The following FRS2 variants were observed in gnomAD, a reference collection of about 807,000 sequenced individuals.
FRS2 encodes the protein fibroblast growth factor receptor substrate 2.
Under a neutral mutation model 43.9 loss-of-function variants are expected in FRS2, and 8 were observed. The ratio of observed to expected loss-of-function variants is 0.18; its 90% CI spans 0.11 to 0.33. The LOEUF is 0.33. Ranked by LOEUF, FRS2 falls within the 10% of genes least tolerant of loss-of-function variation. FRS2 has a pLI of 1.00. For synonymous variants in FRS2, 219 were observed against 220.3 expected, an observed-to-expected ratio of 0.99 and a Z score of 0.05; for missense variants, 534 against 627.6, an observed-to-expected ratio of 0.85 and a Z score of 1.59.
At position 69,515,410 on chromosome 12, in the gene FRS2, C is replaced by A. The variant is rs539463005; in HGVS notation, c.-260-15455C>A. ...TCACTTTGTGACTATTTTTATAATTCACTTTGCCTCAGACTACAACCTGAT... is the reference window on the plus strand; with the variant it reads ...TCACTTTGTGACTATTTTTATAATTAACTTTGCCTCAGACTACAACCTGAT... On this transcript the variant is annotated intron_variant, in intron 1 of 8. Coordinates refer to ENST00000549921, the MANE Select transcript of FRS2 (RefSeq NM_001278356.2). Among the ~76,000 whole-genome samples, 6 of 152,216 alleles carry A rather than the reference C, an allele frequency of 3.9e-5. No individual in the cohort carries two copies. In the East Asian group the frequency reaches 5.8e-4, roughly 15 times the overall value.
chr12:69,559,640 C>G (rs963721205), intron 3 of FRS2, among the ~76,000 whole-genome samples: 5 of 152,156 alleles, frequency 3.3e-5, no homozygotes, highest in African/African-American at 1.2e-4. Flanking sequence ...TTTAAGGCAA[C>G]TAGCAGACTG....
chr12:69,498,944 T>G (rs78834468), intron 1 of FRS2, among the ~76,000 whole-genome samples: 2,269 of 152,302 alleles, frequency 0.015, 62 homozygotes, highest in African/African-American at 0.051. Context: ...AACAACTTTA[T>G]GAGGTATTAT....
At chr12:69,473,649 GAGAAGTTACCA>G (rs1448907317) in intron 1 of FRS2, among the ~76,000 whole-genome samples, 1 of 152,208 alleles carries the variant, frequency 6.6e-6, no homozygotes, top group Non-Finnish European at 1.5e-5. Flanking sequence ...GGGAGGTAAT[GAGAAGTTACCA>G]AGGTCTAATA....
chr12:69,522,297 C>A (rs1875755475), intron 1 of FRS2, among the ~76,000 whole-genome samples: 1 of 150,888 alleles, frequency 6.6e-6, no homozygotes, highest in South Asian at 2.1e-4. Context: ...AAGGAGGAGT[C>A]CCTCCTCCTC....
At position 69,502,897 on chromosome 12, in the gene FRS2, A is replaced by C. The variant is rs368329753; in HGVS notation, c.-260-27968A>C. ...CAGCAGCAGCATCAGCATCAGCAGC[A>C]GCTGCCGCCTACAGCCTTTCCCTCC... On this transcript the variant is annotated intron_variant, in intron 1 of 8. Transcript: ENST00000549921. 3.3e-5 allele frequency among the ~76,000 whole-genome samples: 5 copies of C among 152,298 alleles called. No individual in the cohort carries two copies. In the South Asian group the frequency reaches 1.0e-3, roughly 32 times the overall value.
rs1880983401 is a variant in FRS2, at chr12:69,574,038, G to C, written c.610G>C (p.Glu204Gln). The change falls in exon 9 of 9, where the codon GAA (glutamate) becomes CAA (glutamine). Residue 204 changes from glutamate (E) to glutamine (Q), a missense_variant. Transcript: ENST00000549921. ...HTYVNTTGVQ[E>Q]ERKNRTSVHV... Reference sequence around the variant, plus strand: ...CTATGTCAACACTACAGGTGTGCAAGAAGAGCGGAAAAACCGCACAAGTGT... The same window carrying C: ...CTATGTCAACACTACAGGTGTGCAACAAGAGCGGAAAAACCGCACAAGTGT... 3 of 1,613,728 alleles carry C rather than the reference G, an allele frequency of 1.9e-6. No homozygotes were observed. In the East Asian group the frequency reaches 6.7e-5, roughly 36 times the overall value.
Position 69,571,454 on chromosome 12 carries a change from T to G in FRS2, c.412+20T>G. 1.9e-6 allele frequency: 3 copies of G among 1,593,434 alleles called. No individual in the cohort carries two copies. The highest frequency in any genetic ancestry group is 2.6e-6 in the Non-Finnish European group (3 of 1,165,132). On this transcript the variant is annotated intron_variant, in intron 7 of 8. Transcript: ENST00000549921. ...CTACAAGTAAGTACCCCTTTTCCCT[T>G]TCACATTTTGAATAACAGACGTTTA...
intron 1 of FRS2, among the ~76,000 whole-genome samples, chr12:69,523,034 G>A (rs575708597): frequency 6.6e-6 from 1 of 152,304 alleles, no homozygotes; most frequent in African/African-American, 2.4e-5. Context: ...GTGCCGTATG[G>A]CGATAAGAAG....
intron 4 of FRS2, among the ~76,000 whole-genome samples, chr12:69,565,767 C>T (rs1209308822): frequency 6.6e-6 from 1 of 152,104 alleles, no homozygotes; most frequent in Non-Finnish European, 1.5e-5. Flanking sequence ...AGGAAAACTG[C>T]ACCTTCTTCT....
At chr12:69,478,711 G>T (rs1015947033) in intron 1 of FRS2, among the ~76,000 whole-genome samples, 7 of 143,448 alleles carry the variant, frequency 4.9e-5, no homozygotes, top group Non-Finnish European at 1.1e-4. Flanking sequence ...TTCTTACAAA[G>T]ACATACATCA....
chr12:69,488,179 A>G (rs1872128010), intron 1 of FRS2, among the ~76,000 whole-genome samples: 1 of 152,216 alleles, frequency 6.6e-6, no homozygotes, highest in Non-Finnish European at 1.5e-5. Context: ...TTTTGAAAGA[A>G]GTTCTACTGT....
chr12:69,501,898 G>A (rs540284537), intron 1 of FRS2, among the ~76,000 whole-genome samples: 2 of 152,156 alleles, frequency 1.3e-5, no homozygotes, highest in African/African-American at 4.8e-5. Context: ...CAGCATTAGC[G>A]TAGACATCTG....
chr12:69,517,579 A>G (rs1339337257), intron 1 of FRS2, among the ~76,000 whole-genome samples: 1 of 152,120 alleles, frequency 6.6e-6, no homozygotes, highest in Non-Finnish European at 1.5e-5. Context: ...AGACTGTCCT[A>G]AAGAGCCACA....
intron 4 of FRS2, among the ~76,000 whole-genome samples, chr12:69,565,312 T>G (rs1880198296): frequency 6.6e-6 from 1 of 152,052 alleles, no homozygotes. Context: ...CTTGGGTGAG[T>G]TGGTTAGTGG....
chr12:69,569,345 A>G (rs778098103), intron 5 of FRS2, among the ~76,000 whole-genome samples: 34 of 152,168 alleles, frequency 2.2e-4, no homozygotes, highest in Middle Eastern at 3.4e-3. Context: ...TTAAAATGCC[A>G]TTTTACGGGG....
chr12:69,557,555 TACTAA>T (rs1050390377), intron 3 of FRS2, among the ~76,000 whole-genome samples: 1 of 151,748 alleles, frequency 6.6e-6, no homozygotes, highest in African/African-American at 2.4e-5. Context: ...TATGTTTTTA[TACTAA>T]ACTAAGAGTT....
intron 3 of FRS2, among the ~76,000 whole-genome samples, chr12:69,548,085 C>G (rs1206959956): frequency 2.0e-5 from 3 of 151,920 alleles, no homozygotes; most frequent in Admixed American, 6.6e-5. Context: ...ACTCCTGGCC[C>G]CAAGTGATCT....
In FRS2 at chr12:69,553,085, A is replaced by C. The variant is rs376874028; in HGVS notation, c.-121-9095A>C. On this transcript the variant is annotated intron_variant, in intron 3 of 8. Transcript: ENST00000549921. ...TGTTTTTGTTTTTGTTTTTGTTTTT[A>C]GACGGAGTCTCAGTCTCACTCTGTT... is the stretch of plus-strand genomic sequence containing the variant. 9.6e-5 allele frequency among the ~76,000 whole-genome samples: 14 copies of C among 146,206 alleles called. No individual in the cohort carries two copies. The South Asian group carries it at 2.9e-3, about 30-fold the overall frequency.
At chr12:69,512,549 A>T (rs1565737005) in intron 1 of FRS2, among the ~76,000 whole-genome samples, 6 of 152,150 alleles carry the variant, frequency 3.9e-5, no homozygotes. Context: ...AGGTGAGTGG[A>T]TTGTGACCAG....
Sources: gnomAD v4.1 joint callset for allele counts (sites outside exome capture counted in the v4.1 genomes callset) on GRCh38, gnomAD v4.1.1 for gene constraint, MANE v1.5 for transcripts, NCBI Gene and HGNC (gene_info 2026-07-23, HGNC 2026-07-21) for gene names.